Variants in SORL1 observed in about 807,000 individuals in gnomAD.
The protein encoded by SORL1 is sortilin related receptor 1, also known as sortilin-related receptor.
A neutral mutation model predicts 273.7 loss-of-function variants in SORL1; 127 were observed. That is an observed-to-expected ratio of 0.46 (90% CI 0.40 to 0.54). SORL1 has a LOEUF of 0.54. Ranked by LOEUF, SORL1 falls within the 20% of genes least tolerant of loss-of-function variation. SORL1 has a pLI of 0.00. For synonymous variants in SORL1, 1,031 were observed against 1,067.4 expected (o/e 0.97, Z 0.66); for missense variants, 2,494 against 2,846.1 (o/e 0.88, Z 2.81).
intron 6 of SORL1, 23 bp from the exon 7 acceptor site, chr11:121,512,980 T>C (rs961276516): frequency 1.3e-6 from 2 of 1,565,340 alleles, no homozygotes; most frequent in Non-Finnish European, 1.8e-6. Flanking sequence ...CCATTAATTT[T>C]TTTTTCTCCT....
chr11:121,604,281 C>T lies in SORL1; in HGVS notation c.4608C>T (p.Gly1536=), dbSNP rs755923591. 1.9e-6 allele frequency: 3 copies of T among 1,614,066 alleles called. No individual in the cohort carries two copies. The highest frequency in any genetic ancestry group is 2.5e-6 in the Non-Finnish European group (3 of 1,180,014). ...TTGTGCTCTCGGAGCGCTGCGACGG[C>T]TTCCTGGACTGCTCGGACGAGAGCG... ...ACIVLSERCD[G]FLDCSDESDE... is the part of the protein sequence containing the mutation. The change falls in exon 33 of 48, where the codon GGC becomes GGT. Residue 1536 remains glycine (G), a synonymous_variant. Coordinates refer to ENST00000260197, the MANE Select transcript of SORL1 (RefSeq NM_003105.6).
intron 8 of SORL1, among the ~76,000 whole-genome samples, chr11:121,514,669 C>A (rs945927446): frequency 6.6e-6 from 1 of 152,184 alleles, no homozygotes; most frequent in East Asian, 1.9e-4. Context: ...AAAAACAGCA[C>A]TTGGTAAATA....
At position 121,550,509 on chromosome 11, in the gene SORL1, G is replaced by A. The variant is rs2134896904; in HGVS notation, c.2181-76G>A. 1 of 1,232,396 alleles carries A rather than the reference G, an allele frequency of 8.1e-7. No individual in the cohort carries two copies. The highest frequency in any genetic ancestry group is 1.2e-5 in the South Asian group (1 of 82,118). The allele number at this position is 1,232,396 out of a possible 1,614,324, so 76.3% of individuals were successfully genotyped here. On this transcript the variant is annotated intron_variant, in intron 15 of 47. Coordinates refer to ENST00000260197, the MANE Select transcript of SORL1 (RefSeq NM_003105.6). This position sits in a 1 kb window ranked among gnomAD's most constrained non-coding sequence, Gnocchi z 5.3. ...GGACTCTACTGGCCGTGGGTAGTAAGTGTATTCCCAGCTGGGATGCCTTTG... is the reference window on the plus strand; with the variant it reads ...GGACTCTACTGGCCGTGGGTAGTAAATGTATTCCCAGCTGGGATGCCTTTG...
intron 32 of SORL1, among the ~76,000 whole-genome samples, 173 bp from the exon 33 acceptor site, chr11:121,604,020 T>C (rs1863430509): frequency 1.3e-5 from 2 of 152,218 alleles, no homozygotes; most frequent in African/African-American, 2.4e-5. Flanking sequence ...GTTGTTAATG[T>C]TAGATGAGAT....
At chr11:121,620,853 TC>T (rs1863713297) in intron 43 of SORL1, among the ~76,000 whole-genome samples, 1 of 152,212 alleles carries the variant, frequency 6.6e-6, no homozygotes, top group Non-Finnish European at 1.5e-5. Context: ...AGTTGATAAC[TC>T]TATGTGCAAT....
chr11:121,483,843 G>A (rs1339324602), intron 3 of SORL1, among the ~76,000 whole-genome samples: 1 of 152,088 alleles, frequency 6.6e-6, no homozygotes, highest in Non-Finnish European at 1.5e-5. Context: ...ATAGAGCTAG[G>A]GGAATCAAAT....
intron 31 of SORL1, among the ~76,000 whole-genome samples, chr11:121,594,174 C>T (rs778764215): frequency 6.6e-6 from 1 of 151,660 alleles, no homozygotes; most frequent in Non-Finnish European, 1.5e-5. Context: ...AGAATCTTCC[C>T]TTTGGCACCA....
At chr11:121,580,849 C>G (rs1863004356) in intron 25 of SORL1, among the ~76,000 whole-genome samples, 1 of 151,700 alleles carries the variant, frequency 6.6e-6, no homozygotes, top group Non-Finnish European at 1.5e-5. Flanking sequence ...AAGTGATCCT[C>G]TTACCTTGTC....
intron 3 of SORL1, among the ~76,000 whole-genome samples, chr11:121,479,297 C>A (rs1044702174): frequency 6.6e-6 from 1 of 152,134 alleles, no homozygotes; most frequent in Non-Finnish European, 1.5e-5. Flanking sequence ...AGTTGTATTT[C>A]GTTGCTTTCT....
At chr11:121,567,729 A>G (rs1274712357) in intron 22 of SORL1, among the ~76,000 whole-genome samples, 1 of 152,192 alleles carries the variant, frequency 6.6e-6, no homozygotes, top group Non-Finnish European at 1.5e-5. Flanking sequence ...CGAAATTTAA[A>G]AAGTTTTTCC....
At chr11:121,597,517 G>A (rs1863315150) in intron 32 of SORL1, among the ~76,000 whole-genome samples, 1 of 151,828 alleles carries the variant, frequency 6.6e-6, no homozygotes, top group Admixed American at 6.5e-5. Context: ...GAGTGCAGGG[G>A]CGGGTGGGAT....
chr11:121,573,647 G>A (rs1237099304), intron 23 of SORL1, among the ~76,000 whole-genome samples: 1 of 152,172 alleles, frequency 6.6e-6, no homozygotes, highest in Non-Finnish European at 1.5e-5. Context: ...CTCTCTGACT[G>A]TGATCTCAAG....
intron 9 of SORL1, among the ~76,000 whole-genome samples, chr11:121,521,593 A>G (rs1282881360): frequency 6.6e-6 from 1 of 152,188 alleles, no homozygotes; most frequent in African/African-American, 2.4e-5. Context: ...GGAAATGGGT[A>G]AGTCTGATTA....
In SORL1 at chr11:121,514,154, A is replaced by G; in HGVS notation, c.1044A>G (p.Glu348=). ...TTTTTTGACTTTTGATTCCAAAGGAATATTACATCGCAGATGCCTCCGAGG... is the reference window on the plus strand; with the variant it reads ...TTTTTTGACTTTTGATTCCAAAGGAGTATTACATCGCAGATGCCTCCGAGG... ...AQFVTRHPIN[E]YYIADASEDQ... is the part of the protein sequence containing the mutation. Residue 348 remains glutamate (E), a splice_region_variant and synonymous_variant, in exon 8 of 48, where the codon GAA becomes GAG. Coordinates refer to ENST00000260197, the MANE Select transcript of SORL1 (RefSeq NM_003105.6). The G allele has an allele frequency of 6.2e-7, 1 of 1,612,362 alleles. No individual in the cohort carries two copies. The highest frequency in any genetic ancestry group is 8.5e-7 in the Non-Finnish European group (1 of 1,179,488).
At chr11:121,516,567 C>T (rs1861955986) in intron 8 of SORL1, among the ~76,000 whole-genome samples, 1 of 152,152 alleles carries the variant, frequency 6.6e-6, no homozygotes, top group African/African-American at 2.4e-5. Flanking sequence ...TTTCCACTTC[C>T]TGTTTCTTCT....
intron 31 of SORL1, among the ~76,000 whole-genome samples, chr11:121,594,011 G>A (rs1863254833): frequency 6.6e-6 from 1 of 152,138 alleles, no homozygotes; most frequent in Non-Finnish European, 1.5e-5. Flanking sequence ...GTTGGGCTGG[G>A]TTTGGCGTGC....
chr11:121,551,250 G>T (rs1862503718), intron 16 of SORL1, among the ~76,000 whole-genome samples: 1 of 152,142 alleles, frequency 6.6e-6, no homozygotes, highest in South Asian at 2.1e-4. Flanking sequence ...TCTAGTAAGT[G>T]ACAAAGTTGA....
chr11:121,488,985 A>G (rs954680501), intron 4 of SORL1, among the ~76,000 whole-genome samples: 1 of 152,140 alleles, frequency 6.6e-6, no homozygotes, highest in Non-Finnish European at 1.5e-5. Flanking sequence ...CGGAGGGGGA[A>G]TTATTGTTAC....
chr11:121,473,800 C>G (rs942719917), intron 2 of SORL1, among the ~76,000 whole-genome samples: 1 of 152,052 alleles, frequency 6.6e-6, no homozygotes, highest in Non-Finnish European at 1.5e-5. Context: ...AAGGCCAAGG[C>G]AGGAGAATCA....
Sources: allele counts gnomAD v4.1 joint callset (sites outside exome capture counted in the v4.1 genomes callset), GRCh38; gene constraint gnomAD v4.1.1; non-coding constraint Gnocchi (gnomAD v3.1); transcripts MANE v1.5; gene names NCBI Gene and HGNC (gene_info 2026-07-23, HGNC 2026-07-21).